Variants in LRBA observed in about 807,000 individuals in gnomAD.
LRBA encodes lipopolysaccharide-responsive and beige-like anchor protein.
Under a neutral mutation model 330.0 loss-of-function variants are expected in LRBA, and 176 were observed. The observed-to-expected ratio is 0.53, with a 90% CI of 0.47 to 0.60. The LOEUF (loss-of-function observed/expected upper bound fraction) is 0.60, where lower values mean the gene tolerates loss of function less well. Ranked by LOEUF, LRBA falls within the 20% of genes least tolerant of loss-of-function variation. LRBA has a pLI of 0.00. For missense variants in LRBA, 3,259 were observed against 3,444.8 expected (o/e 0.95, Z 1.35); for synonymous variants, 1,230 against 1,193.0 (o/e 1.03, Z -0.64).
At chr4:150,550,966 G>A (rs938465653) in intron 40 of LRBA, among the ~76,000 whole-genome samples, 2 of 152,136 alleles carry the variant, frequency 1.3e-5, no homozygotes, top group Non-Finnish European at 2.9e-5. Context: ...TTCATGTGTT[G>A]GAAACTGAAT....
chr4:150,453,890 T>C (rs1753700438), intron 44 of LRBA, among the ~76,000 whole-genome samples: 1 of 152,220 alleles, frequency 6.6e-6, no homozygotes, highest in African/African-American at 2.4e-5. Context: ...ACCCTAAATG[T>C]AAGAATTCAT....
At chr4:150,611,691 T>C (rs1045767159) in intron 37 of LRBA, among the ~76,000 whole-genome samples, 17 of 152,164 alleles carry the variant, frequency 1.1e-4, no homozygotes, top group Non-Finnish European at 2.9e-5. Flanking sequence ...TCTATCGCTT[T>C]TCAATGTATA....
chr4:150,704,938 G>T (rs1012044676), intron 36 of LRBA, among the ~76,000 whole-genome samples: 4 of 152,126 alleles, frequency 2.6e-5, no homozygotes, highest in African/African-American at 9.7e-5. Flanking sequence ...AACACATACA[G>T]CAGATTCTAT....
At chr4:150,379,854 A>G (rs1449126813) in intron 47 of LRBA, among the ~76,000 whole-genome samples, 6 of 152,106 alleles carry the variant, frequency 3.9e-5, no homozygotes, top group African/African-American at 7.2e-5. Context: ...AACTCCATAC[A>G]TAGGAAAACA....
intron 2 of LRBA, among the ~76,000 whole-genome samples, chr4:150,951,835 G>A (rs888264739): frequency 1.3e-5 from 2 of 152,024 alleles, no homozygotes; most frequent in South Asian, 2.1e-4. Flanking sequence ...CCAATTAGAC[G>A]TGATTTTTAA....
rs541450675 is a variant in LRBA at position 150,506,737 on chromosome 4, T to G, written c.6331-15702A>C. Among the ~76,000 whole-genome samples, 687 of 152,118 alleles carry G rather than the reference T, an allele frequency of 4.5e-3. 2 individuals carry two copies. The highest frequency in any genetic ancestry group is 6.0e-3 in the Non-Finnish European group (408 of 67,970). On this transcript the variant is annotated intron_variant, in intron 40 of 56. Transcript: ENST00000651943. ...TGGAAGTTCTGGCCAGGGCAATCCG[T>G]CAGGAGAAAGAAAGAAAGGGTATTC...
intron 15 of LRBA, 24 bp from the exon 16 acceptor site, chr4:150,896,480 CT>C: frequency 8.0e-7 from 1 of 1,246,210 alleles, no homozygotes; most frequent in Non-Finnish European, 1.1e-6. Flanking sequence ...ATACAGGTAT[CT>C]TACGTTTACA....
At chr4:150,398,130 CTG>C (rs1744996506) in intron 47 of LRBA, among the ~76,000 whole-genome samples, 1 of 152,090 alleles carries the variant, frequency 6.6e-6, no homozygotes, top group South Asian at 2.1e-4. Context: ...CACAGACATT[CTG>C]TTGGTGGAAT....
intron 14 of LRBA, among the ~76,000 whole-genome samples, chr4:150,898,356 TCTC>T (rs1306157793): frequency 6.6e-6 from 1 of 152,100 alleles, no homozygotes; most frequent in East Asian, 1.9e-4. Context: ...GCCTCTGACA[TCTC>T]CTTCTCTGCT....
intron 34 of LRBA, among the ~76,000 whole-genome samples, chr4:150,777,740 G>A (rs1737590855): frequency 6.6e-6 from 1 of 152,008 alleles, no homozygotes; most frequent in African/African-American, 2.4e-5. Context: ...AGCACTCTGG[G>A]AGGCCAAGGT....
chr4:150,533,599 C>T (rs1581602379), intron 40 of LRBA, among the ~76,000 whole-genome samples: 1 of 152,106 alleles, frequency 6.6e-6, no homozygotes, highest in Non-Finnish European at 1.5e-5. Flanking sequence ...TCCATATTTA[C>T]CCTTCATTAT....
intron 47 of LRBA, among the ~76,000 whole-genome samples, chr4:150,355,862 G>A (rs1038048175): frequency 2.0e-5 from 3 of 151,910 alleles, no homozygotes; most frequent in African/African-American, 4.8e-5. Flanking sequence ...TTGGCAAGGC[G>A]GTAATATACA....
chr4:150,973,070 G>C (rs1387957096), intron 2 of LRBA, among the ~76,000 whole-genome samples: 1 of 152,208 alleles, frequency 6.6e-6, no homozygotes, highest in Non-Finnish European at 1.5e-5. Context: ...AGGATCACTT[G>C]AGGCCAGGAG....
intron 37 of LRBA, among the ~76,000 whole-genome samples, chr4:150,647,755 T>C (rs1356287525): frequency 6.6e-6 from 1 of 152,072 alleles, no homozygotes; most frequent in Non-Finnish European, 1.5e-5. Flanking sequence ...TGAATTGTTT[T>C]CCTGGCACCA....
At chr4:150,548,063 G>C (rs1029309253) in intron 40 of LRBA, among the ~76,000 whole-genome samples, 37 of 152,096 alleles carry the variant, frequency 2.4e-4, no homozygotes, top group Admixed American at 2.3e-3. Context: ...AAAAGAATAT[G>C]CTTTAATCAA....
intron 53 of LRBA, among the ~76,000 whole-genome samples, chr4:150,292,126 G>A (rs1008902424): frequency 6.6e-6 from 1 of 152,152 alleles, no homozygotes; most frequent in African/African-American, 2.4e-5. Flanking sequence ...GCAACATTAA[G>A]TATATTTATC....
At chr4:150,509,311 A>G (rs1761544517) in intron 40 of LRBA, among the ~76,000 whole-genome samples, 1 of 152,208 alleles carries the variant, frequency 6.6e-6, no homozygotes, top group South Asian at 2.1e-4. Flanking sequence ...ACCTATGAGT[A>G]AGAGAAAAAA....
At chr4:150,825,410 A>T (rs575571792) in intron 30 of LRBA, among the ~76,000 whole-genome samples, 29 of 152,174 alleles carry the variant, frequency 1.9e-4, no homozygotes, top group Admixed American at 3.9e-4. Flanking sequence ...CTTGTTGCCC[A>T]GGCTGGAGTG....
rs77968547 is a variant in LRBA, at chr4:150,716,988, G to A, written c.5754+18270C>T. On this transcript the variant is annotated intron_variant, in intron 36 of 56. Coordinates refer to ENST00000651943, the MANE Select transcript of LRBA (RefSeq NM_001364905.1). Reference sequence around the variant, plus strand: ...CATACATACATCAAAGATGTGTTGTGGTACTGAAATGAGACAATGTGTACT... The same window carrying A: ...CATACATACATCAAAGATGTGTTGTAGTACTGAAATGAGACAATGTGTACT... 4.6e-3 allele frequency among the ~76,000 whole-genome samples: 697 copies of A among 152,180 alleles called. 6 individuals are homozygous for A. The highest frequency in any genetic ancestry group is 0.016 in the African/African-American group (666 of 41,506).
Sources: gnomAD v4.1 joint callset for allele counts (sites outside exome capture counted in the v4.1 genomes callset) on GRCh38, gnomAD v4.1.1 for gene constraint, MANE v1.5 for transcripts, NCBI Gene and HGNC (gene_info 2026-07-23, HGNC 2026-07-21) for gene names.